TTBK2: variants seen among roughly 807,000 people sequenced by gnomAD.
TTBK2 encodes tau tubulin kinase 2, also known as tau-tubulin kinase 2.
Under a neutral mutation model 110.8 loss-of-function variants are expected in TTBK2, and 28 were observed. The observed-to-expected ratio is 0.25, with a 90% confidence interval of 0.19 to 0.35. The LOEUF (loss-of-function observed/expected upper bound fraction) is 0.35. Among genes scored for constraint, TTBK2 ranks in the 10% least tolerant of loss-of-function variants. The probability of loss-of-function intolerance (pLI) is 1.00; values close to 1 mark genes in which losing one functional copy is unlikely to be tolerated. For synonymous variants in TTBK2, 532 were observed against 527.3 expected (o/e 1.01, Z -0.12); for missense variants, 1,369 against 1,500.3 (o/e 0.91, Z 1.45).
intron 4 of TTBK2, among the ~76,000 whole-genome samples, chr15:42,833,509 C>T: frequency 6.6e-6 from 1 of 152,130 alleles, no homozygotes; most frequent in Non-Finnish European, 1.5e-5. Flanking sequence ...TCCATATCCT[C>T]TCCCCTCCCA....
Position 42,752,525 on chromosome 15 carries a change from C to T in TTBK2, c.2721G>A (p.Glu907=). The T allele has an allele frequency of 6.2e-7, 1 of 1,614,182 alleles. No individual in the cohort carries two copies. The highest frequency in any genetic ancestry group is 8.5e-7 in the Non-Finnish European group (1 of 1,180,034). The part of the protein sequence containing the change: ...STFLHQEGKR[E]KITPRNGELF... ...GTTCTCCATTTCTAGGGGTGATTTT[C>T]TCTCTCTTGCCCTCTTGGTGCAAAA... Residue 907 remains glutamate (E), a synonymous_variant, in exon 14 of 15, where the codon GAG becomes GAA. Coordinates refer to ENST00000267890, the MANE Select transcript of TTBK2 (RefSeq NM_173500.4).
chr15:42,791,959 T>G (rs1461540801), intron 10 of TTBK2, among the ~76,000 whole-genome samples: 3 of 152,118 alleles, frequency 2.0e-5, no homozygotes, highest in Non-Finnish European at 4.4e-5. Flanking sequence ...CTGCCCAGCA[T>G]GGTGAAACCC....
At chr15:42,810,570 A>G in intron 9 of TTBK2, 44 bp downstream of exon 9, 1 of 1,610,818 alleles carries the variant, frequency 6.2e-7, no homozygotes, top group Non-Finnish European at 8.5e-7. Flanking sequence ...AGCATAGACT[A>G]AGAGAGAAAA....
chr15:42,783,328 A>C, intron 11 of TTBK2, 91 bp downstream of exon 11: 1 of 1,263,054 alleles, frequency 7.9e-7, no homozygotes, highest in Non-Finnish European at 1.1e-6. Flanking sequence ...AGCCCTCACC[A>C]GATACCAAAT....
intron 7 of TTBK2, 144 bp downstream of exon 7, chr15:42,816,888 C>T: frequency 2.8e-6 from 1 of 361,426 alleles, no homozygotes; most frequent in Non-Finnish European, 4.2e-6. Context: ...CACTGCACTC[C>T]AGCCCGGGCG....
chr15:42,763,181 T>TATATAC (rs1889163221), intron 13 of TTBK2, among the ~76,000 whole-genome samples: 1 of 24,728 alleles, frequency 4.0e-5, no homozygotes, highest in Non-Finnish European at 7.1e-5. Flanking sequence ...TATATATATA[T>TATATAC]ATATATATAT....
At chr15:42,820,420 A>T (rs1446484418) in intron 6 of TTBK2, among the ~76,000 whole-genome samples, 1 of 152,226 alleles carries the variant, frequency 6.6e-6, no homozygotes, top group Non-Finnish European at 1.5e-5. Flanking sequence ...CTGGGTCTTG[A>T]AACAAATAAT....
chr15:42,807,726 T>A (rs80196732), intron 9 of TTBK2, among the ~76,000 whole-genome samples: 10 of 152,104 alleles, frequency 6.6e-5, no homozygotes, highest in Non-Finnish European at 1.0e-4. Context: ...CATGAACCAC[T>A]GTGCTTGGCC....
intron 7 of TTBK2, 151 bp from the exon 8 acceptor site, chr15:42,811,931 T>A (rs1891738973): frequency 8.6e-6 from 4 of 465,956 alleles, no homozygotes; most frequent in African/African-American, 8.1e-5. Flanking sequence ...TATATATATA[T>A]AAATTTACAT....
chr15:42,752,045 G>A lies in TTBK2; in HGVS notation c.3201C>T (p.Ser1067=), dbSNP rs538954156. The A allele has an allele frequency of 6.2e-7, 1 of 1,614,214 alleles. No individual in the cohort carries two copies. Among genetic ancestry groups the A allele is most frequent in the Non-Finnish European group, 8.5e-7 (1 of 1,180,036 alleles). ...GAGGAAAGAACTGAGACGAAGTTGAGCTATTGACCTGATCTGTGTTGACCC... is the reference window on the plus strand; with the variant it reads ...GAGGAAAGAACTGAGACGAAGTTGAACTATTGACCTGATCTGTGTTGACCC... ...VSWVNTDQVN[S]STSSQFFPRP... is the part of the protein sequence containing the mutation. The change falls in exon 14 of 15, where the codon AGC becomes AGT. Residue 1067 remains serine, a synonymous_variant. Coordinates refer to ENST00000267890, the MANE Select transcript of TTBK2 (RefSeq NM_173500.4).
At chr15:42,905,877 C>T (rs1368932626) in intron 1 of TTBK2, among the ~76,000 whole-genome samples, 1 of 152,072 alleles carries the variant, frequency 6.6e-6, no homozygotes, top group Non-Finnish European at 1.5e-5. Flanking sequence ...CATCACAGTG[C>T]CTAGTATACT....
At chr15:42,773,557 G>A (rs1204837240) in intron 13 of TTBK2, among the ~76,000 whole-genome samples, 1 of 152,166 alleles carries the variant, frequency 6.6e-6, no homozygotes, top group East Asian at 1.9e-4. Flanking sequence ...AAACACCGCA[G>A]TAGTGTAAGA....
chr15:42,747,547 C>A (rs1367936259), intron 14 of TTBK2, among the ~76,000 whole-genome samples: 2 of 152,238 alleles, frequency 1.3e-5, no homozygotes, highest in African/African-American at 4.8e-5. Context: ...AAGGAGCGTA[C>A]AACCTAGATC....
chr15:42,797,963 A>C (rs1379753423), intron 9 of TTBK2, among the ~76,000 whole-genome samples: 1 of 151,942 alleles, frequency 6.6e-6, no homozygotes, highest in Non-Finnish European at 1.5e-5. Flanking sequence ...GGCTCACTGC[A>C]ACCTTCGCCT....
chr15:42,910,491 T>A (rs2030688558), intron 1 of TTBK2, among the ~76,000 whole-genome samples: 1 of 152,150 alleles, frequency 6.6e-6, no homozygotes, highest in Admixed American at 6.5e-5. Context: ...TCACCTCCCA[T>A]ACAGCTGAAT....
intron 4 of TTBK2, among the ~76,000 whole-genome samples, chr15:42,839,613 A>G (rs1435138779): frequency 6.6e-6 from 1 of 151,900 alleles, no homozygotes; most frequent in Non-Finnish European, 1.5e-5. Context: ...AGCATCTGTT[A>G]TTTTCTGACT....
At chr15:42,803,487 A>C (rs1891312317) in intron 9 of TTBK2, among the ~76,000 whole-genome samples, 1 of 152,294 alleles carries the variant, frequency 6.6e-6, no homozygotes, top group South Asian at 2.1e-4. Context: ...GACCTGAGGC[A>C]GGGTAAGGCA....
intron 10 of TTBK2, 72 bp from the exon 11 acceptor site, chr15:42,783,707 C>A (rs2140810429): frequency 3.5e-4 from 354 of 1,024,882 alleles, no homozygotes; most frequent in Non-Finnish European, 4.7e-4. Flanking sequence ...CATTTTATTT[C>A]TTCATTTAAA....
At chr15:42,791,168 G>A (rs1457526807) in intron 10 of TTBK2, among the ~76,000 whole-genome samples, 2 of 152,140 alleles carry the variant, frequency 1.3e-5, no homozygotes, top group Admixed American at 6.5e-5. Flanking sequence ...ACAGGCGTGA[G>A]CCACGGTGCC....
Sources: gnomAD v4.1 joint callset for allele counts (sites outside exome capture counted in the v4.1 genomes callset) on GRCh38, gnomAD v4.1.1 for gene constraint, MANE v1.5 for transcripts, NCBI Gene and HGNC (gene_info 2026-07-23, HGNC 2026-07-21) for gene names.